TEX11: variants seen among roughly 807,000 people sequenced by gnomAD.
The protein encoded by TEX11 is testis expressed 11.
A neutral mutation model predicts 84.4 loss-of-function variants in TEX11; 7 were observed. The ratio of observed to expected loss-of-function variants is 0.08; its 90% CI spans 0.05 to 0.16. TEX11 has a LOEUF of 0.16. Ranked by LOEUF, TEX11 falls within the 10% of genes least tolerant of loss-of-function variation. The pLI is 1.00. For missense variants in TEX11, 551 were observed against 660.5 expected (o/e 0.83, Z 1.82); for synonymous variants, 264 against 222.8 (o/e 1.18, Z -1.64).
rs2147768948 is a variant in TEX11, at chrX:70,760,759, G to C, written c.693-16540C>G. Among the ~76,000 whole-genome samples the C allele has an allele frequency of 1.8e-5, 2 of 111,773 alleles. 1 individual carries two copies. Among genetic ancestry groups the C allele is most frequent in the South Asian group, 7.6e-4 (2 of 2,647 alleles). Reference sequence around the variant, plus strand: ...GCAACAAAAGCAAAAATTGACAAATGGGATCTAATTGAACTAAAGAGCTTC... The same window carrying C: ...GCAACAAAAGCAAAAATTGACAAATCGGATCTAATTGAACTAAAGAGCTTC... On this transcript the variant is annotated intron_variant, in intron 9 of 29. Coordinates refer to ENST00000374333, the MANE Select transcript of TEX11 (RefSeq NM_031276.3).
chrX:70,539,146 G>A (rs1220668513), intron 28 of TEX11, among the ~76,000 whole-genome samples: 2 of 102,028 alleles, frequency 2.0e-5, no homozygotes, highest in East Asian at 3.1e-4. Flanking sequence ...GCAATTCTTC[G>A]GCCTCAGCCT....
chrX:70,819,948 C>A (rs111789544), intron 8 of TEX11, among the ~76,000 whole-genome samples: 1 of 111,382 alleles, frequency 9.0e-6, no homozygotes, highest in Non-Finnish European at 1.9e-5. Flanking sequence ...ATACATCCCA[C>A]ATTCACAGAT....
intron 3 of TEX11, among the ~76,000 whole-genome samples, chrX:70,879,704 T>A (rs1295742985): frequency 1.8e-5 from 2 of 110,811 alleles, no homozygotes; most frequent in Non-Finnish European, 3.8e-5. Flanking sequence ...GGTATTACTA[T>A]TATCATTTAA....
chrX:70,593,764 A>G (rs770815819), intron 24 of TEX11, among the ~76,000 whole-genome samples: 4 of 111,624 alleles, frequency 3.6e-5, no homozygotes, highest in Non-Finnish European at 7.5e-5. Flanking sequence ...GAGGGTATCA[A>G]CATTAGGTTT....
the TEX11 span, among the ~76,000 whole-genome samples, chrX:70,512,960 C>A: frequency 9.2e-6 from 1 of 109,132 alleles, no homozygotes; most frequent in African/African-American, 3.4e-5. Context: ...TGGAAATGAT[C>A]TTCAAGGACT....
At chrX:70,654,709 C>CAAAAAAAAAAAAAAAA (rs56822297) in intron 16 of TEX11, among the ~76,000 whole-genome samples, 8 of 37,619 alleles carry the variant, frequency 2.1e-4, no homozygotes, top group Non-Finnish European at 2.6e-4. Flanking sequence ...GACTCTGTCT[C>CAAAAAAAAAAAAAAAA]AAAAAAAAAA....
chrX:70,564,327 A>T (rs1197463386), intron 25 of TEX11, among the ~76,000 whole-genome samples: 3 of 112,084 alleles, frequency 2.7e-5, no homozygotes, highest in Non-Finnish European at 5.6e-5. Flanking sequence ...GGCCTCATAA[A>T]ATCCATGTAT....
intron 9 of TEX11, among the ~76,000 whole-genome samples, chrX:70,778,202 G>T (rs2091014040): frequency 8.9e-6 from 1 of 111,810 alleles, no homozygotes; most frequent in Non-Finnish European, 1.9e-5. Context: ...GGATATAACA[G>T]TTGTAAATAT....
intron 24 of TEX11, among the ~76,000 whole-genome samples, chrX:70,600,233 G>C (rs888768034): frequency 1.8e-5 from 2 of 111,822 alleles, no homozygotes; most frequent in African/African-American, 3.3e-5. Context: ...GAGATGGTAT[G>C]TCATTGTGGT....
intron 25 of TEX11, among the ~76,000 whole-genome samples, chrX:70,560,027 T>C (rs1186485035): frequency 9.5e-6 from 1 of 105,581 alleles, no homozygotes. Flanking sequence ...ATTTTTTTTT[T>C]AGTCATTTCA....
rs556821828 is a variant in TEX11, at chrX:70,805,957, T to C, written c.692+748A>G. ...AGTACTCAGCATACAGCGTTAAATA[T>C]ATACTTACTTGACTGATATTAAAAT... is the stretch of plus-strand genomic sequence containing the variant. On this transcript the variant is annotated intron_variant, in intron 9 of 29. Transcript: ENST00000374333. Among the ~76,000 whole-genome samples, 73 of 111,839 alleles carry C rather than the reference T, an allele frequency of 6.5e-4. 1 individual carries two copies. In the South Asian group the frequency reaches 0.027, roughly 41 times the overall value.
chrX:70,733,045 A>G (rs1315197210), intron 11 of TEX11, among the ~76,000 whole-genome samples: 2 of 112,112 alleles, frequency 1.8e-5, no homozygotes, highest in Admixed American at 9.5e-5. Context: ...AAAACAAGCA[A>G]TGGGGAAAGG....
intron 10 of TEX11, among the ~76,000 whole-genome samples, chrX:70,742,442 T>A (rs1378639181): frequency 9.1e-6 from 1 of 109,872 alleles, no homozygotes; most frequent in Non-Finnish European, 1.9e-5. Context: ...TTTTTTAAAA[T>A]CTTAGGCCAG....
At chrX:70,777,980 T>G (rs2091012789) in intron 9 of TEX11, among the ~76,000 whole-genome samples, 1 of 112,152 alleles carries the variant, frequency 8.9e-6, no homozygotes, top group African/African-American at 3.2e-5. Context: ...ACAACAAATC[T>G]ATTTCCTTCC....
intron 9 of TEX11, among the ~76,000 whole-genome samples, chrX:70,756,174 T>A (rs1319829863): frequency 8.9e-6 from 1 of 112,727 alleles, no homozygotes; most frequent in Admixed American, 9.3e-5. Context: ...AGATTCCACC[T>A]TTGTGGGCAG....
At chrX:70,696,073 C>T (rs2090277641) in intron 13 of TEX11, among the ~76,000 whole-genome samples, 1 of 111,505 alleles carries the variant, frequency 9.0e-6, no homozygotes, top group African/African-American at 3.3e-5. Context: ...TTCATTGATT[C>T]TTAGTTTCAG....
At chrX:70,686,161 C>A (rs1371503895) in intron 13 of TEX11, among the ~76,000 whole-genome samples, 1 of 111,490 alleles carries the variant, frequency 9.0e-6, no homozygotes, top group Non-Finnish European at 1.9e-5. Context: ...TCAGAAATAC[C>A]ATTTGACCCA....
chrX:70,536,228 G>A (rs968364333), intron 28 of TEX11, among the ~76,000 whole-genome samples: 8 of 110,569 alleles, frequency 7.2e-5, no homozygotes, highest in Admixed American at 3.9e-4. Flanking sequence ...AATACTGTAA[G>A]GTAGGCACTT....
At chrX:70,539,038 A>ATATATATATATATATATATATATTTTT in intron 28 of TEX11, among the ~76,000 whole-genome samples, 1 of 41,245 alleles carries the variant, frequency 2.4e-5, no homozygotes, top group Non-Finnish European at 4.1e-5. Flanking sequence ...ATATATATAT[A>ATATATATATATATATATATATATTTTT]TTTTTTTTTT....
Sources: allele counts gnomAD v4.1 joint callset (sites outside exome capture counted in the v4.1 genomes callset), GRCh38; gene constraint gnomAD v4.1.1; transcripts MANE v1.5; gene names NCBI Gene and HGNC (gene_info 2026-07-23, HGNC 2026-07-21).